TMEM117: variants seen among roughly 807,000 people sequenced by gnomAD.
TMEM117 encodes the protein transmembrane protein 117.
TMEM117 carries 27 observed loss-of-function variants against 52.4 expected under a neutral mutation model. The observed-to-expected ratio is 0.51, with a 90% CI of 0.38 to 0.71. TMEM117 has a LOEUF of 0.71. TMEM117 is among the 30% of genes least tolerant of loss of function. TMEM117 has a pLI of 0.00. For missense variants in TMEM117, 556 were observed against 630.5 expected (o/e 0.88, Z 1.26); for synonymous variants, 215 against 206.3 (o/e 1.04, Z -0.36).
intron 2 of TMEM117, among the ~76,000 whole-genome samples, chr12:43,942,322 T>C (rs1258356538): frequency 6.6e-6 from 1 of 152,194 alleles, no homozygotes; most frequent in East Asian, 1.9e-4. Context: ...AAAATATTTG[T>C]AGCATGTGGT....
chr12:44,218,077 G>T (rs567864883), intron 5 of TMEM117, among the ~76,000 whole-genome samples: 1 of 151,802 alleles, frequency 6.6e-6, no homozygotes, highest in Non-Finnish European at 1.5e-5. Flanking sequence ...TACAAAAATT[G>T]GCTGGACGTG....
chr12:43,935,428 C>G lies in TMEM117; in HGVS notation c.278-8782C>G, dbSNP rs77280204. Among the ~76,000 whole-genome samples, 1,000 of 152,180 alleles carry G rather than the reference C, an allele frequency of 6.6e-3. 62 individuals are homozygous for G. In the East Asian group the frequency reaches 0.16, roughly 24 times the overall value. ...GCCATAAGAAATAGGGATTACATTT[C>G]TTGTCAAGTATTCTAATATTTAAAA... is the stretch of plus-strand genomic sequence containing the variant. On this transcript the variant is annotated intron_variant, in intron 2 of 7. Transcript: ENST00000266534.
chr12:44,048,114 G>A (rs1946908661), intron 3 of TMEM117, among the ~76,000 whole-genome samples: 1 of 152,014 alleles, frequency 6.6e-6, no homozygotes, highest in Non-Finnish European at 1.5e-5. Context: ...TTGTATTTTA[G>A]AAATTTATCC....
the TMEM117 span, among the ~76,000 whole-genome samples, chr12:44,396,196 C>CA: frequency 6.6e-6 from 1 of 152,078 alleles, no homozygotes; most frequent in Non-Finnish European, 1.5e-5. Flanking sequence ...TCCATTGCAT[C>CA]ACTTGTACCA....
the TMEM117 span, among the ~76,000 whole-genome samples, chr12:43,808,104 A>G: frequency 2.0e-5 from 3 of 152,226 alleles, no homozygotes; most frequent in Non-Finnish European, 4.4e-5. Context: ...GTCTGTAAGA[A>G]ACAAACCATT....
intron 6 of TMEM117, among the ~76,000 whole-genome samples, chr12:44,345,021 C>G (rs551489826): frequency 1.3e-5 from 2 of 151,960 alleles, no homozygotes; most frequent in African/African-American, 4.8e-5. Flanking sequence ...TCAAGAATCA[C>G]AACAGGGATT....
downstream of TMEM117, among the ~76,000 whole-genome samples, chr12:44,392,918 GGAACATCCTTGATGGAA>G (rs1565790492): frequency 6.6e-6 from 1 of 152,006 alleles, no homozygotes; most frequent in East Asian, 1.9e-4. Flanking sequence ...TAGAGAGACT[GGAACATCCTTGATGGAA>G]GAACAAACAT....
chr12:44,219,609 C>T lies in TMEM117; in HGVS notation c.608+8222C>T, dbSNP rs181711508. On this transcript the variant is annotated intron_variant, in intron 5 of 7. Transcript: ENST00000266534. Reference sequence around the variant, plus strand: ...TGTTTATCTTCAGGGTTTTCAGGGGCTTAATTTCTTTAAAACATATTTGCA... The same window carrying T: ...TGTTTATCTTCAGGGTTTTCAGGGGTTTAATTTCTTTAAAACATATTTGCA... Among the ~76,000 whole-genome samples, 3 of 152,134 alleles carry T rather than the reference C, an allele frequency of 2.0e-5. No individual in the cohort carries two copies. In the East Asian group the frequency reaches 5.8e-4, roughly 29 times the overall value.
intron 6 of TMEM117, among the ~76,000 whole-genome samples, chr12:44,362,769 C>T (rs1398904151): frequency 4.0e-5 from 6 of 151,628 alleles, no homozygotes; most frequent in African/African-American, 1.5e-4. Context: ...TTTATCTCTA[C>T]ACAACTGTGG....
intron 5 of TMEM117, among the ~76,000 whole-genome samples, chr12:44,239,037 G>C (rs1462502001): frequency 6.6e-6 from 1 of 152,000 alleles, no homozygotes; most frequent in African/African-American, 2.4e-5. Flanking sequence ...CATTAATATA[G>C]GTTTCTCCAT....
intron 1 of TMEM117, 46 bp from the exon 2 acceptor site, chr12:43,844,578 A>G: frequency 6.7e-7 from 1 of 1,485,184 alleles, no homozygotes; most frequent in Non-Finnish European, 9.1e-7. Context: ...GAAGAAAGCC[A>G]TTACTTGTTT....
At chr12:44,333,425 C>A (rs773691855) in intron 6 of TMEM117, among the ~76,000 whole-genome samples, 1 of 151,984 alleles carries the variant, frequency 6.6e-6, no homozygotes, top group African/African-American at 2.4e-5. Flanking sequence ...CAAATCTCAT[C>A]TTGAATTGTA....
At chr12:44,066,427 C>A (rs1032080196) in intron 3 of TMEM117, among the ~76,000 whole-genome samples, 1 of 152,184 alleles carries the variant, frequency 6.6e-6, no homozygotes, top group Admixed American at 6.5e-5. Flanking sequence ...TTACCTGTGT[C>A]ACCTGTTGAA....
At chr12:44,000,662 C>A (rs544914894) in intron 3 of TMEM117, among the ~76,000 whole-genome samples, 32 of 152,270 alleles carry the variant, frequency 2.1e-4, no homozygotes, top group African/African-American at 7.7e-4. Flanking sequence ...CCTTGCCCAC[C>A]TCCAGAATGA....
intron 3 of TMEM117, among the ~76,000 whole-genome samples, chr12:43,995,429 A>C (rs1349731168): frequency 6.6e-6 from 1 of 152,188 alleles, no homozygotes; most frequent in Non-Finnish European, 1.5e-5. Flanking sequence ...GTGTTTACAC[A>C]GGGATTGACA....
intron 3 of TMEM117, among the ~76,000 whole-genome samples, chr12:44,072,961 G>A (rs1419402996): frequency 6.6e-6 from 1 of 152,000 alleles, no homozygotes; most frequent in East Asian, 1.9e-4. Flanking sequence ...ATGGTGGTGT[G>A]TGCCTGTAGT....
chr12:44,101,954 C>T (rs1383595807), intron 3 of TMEM117, among the ~76,000 whole-genome samples: 1 of 152,016 alleles, frequency 6.6e-6, no homozygotes, highest in Admixed American at 6.6e-5. Flanking sequence ...TTATTTTCTA[C>T]AAGCATCATA....
chr12:44,373,542 C>G (rs1951894554), intron 6 of TMEM117, among the ~76,000 whole-genome samples: 1 of 152,178 alleles, frequency 6.6e-6, no homozygotes, highest in South Asian at 2.1e-4. Flanking sequence ...GAAATTATGC[C>G]AGGAAATAAA....
At chr12:44,383,035 C>T (rs1277512186) in intron 7 of TMEM117, among the ~76,000 whole-genome samples, 1 of 152,046 alleles carries the variant, frequency 6.6e-6, no homozygotes, top group Non-Finnish European at 1.5e-5. Context: ...CAAAATTCAT[C>T]TTCTTCAAGG....
Sources: gnomAD v4.1 joint callset for allele counts (sites outside exome capture counted in the v4.1 genomes callset) on GRCh38, gnomAD v4.1.1 for gene constraint, MANE v1.5 for transcripts, NCBI Gene and HGNC (gene_info 2026-07-23, HGNC 2026-07-21) for gene names.